Variants in STARD9 observed in about 807,000 individuals in gnomAD.
The protein encoded by STARD9 is stAR-related lipid transfer protein 9.
In STARD9, 346 loss-of-function variants were observed where a neutral mutation model predicts 399.8. The observed-to-expected ratio is 0.87, with a 90% confidence interval of 0.79 to 0.95. The LOEUF (loss-of-function observed/expected upper bound fraction) is 0.95, where lower values mean the gene tolerates loss of function less well. Ranked by LOEUF, STARD9 falls within the 40% of genes least tolerant of loss-of-function variation. The pLI is 0.00. For missense variants in STARD9, 5,832 were observed against 5,667.5 expected (o/e 1.03, Z -0.93); for synonymous variants, 2,203 against 2,143.5 (o/e 1.03, Z -0.77).
At chr15:42,714,539 A>G (rs945026867) in intron 26 of STARD9, among the ~76,000 whole-genome samples, 1 of 152,110 alleles carries the variant, frequency 6.6e-6, no homozygotes, top group African/African-American at 2.4e-5. Flanking sequence ...GCCATTTTCC[A>G]TAGCTTGTGA....
Position 42,682,135 on chromosome 15 carries a change from G to T in STARD9, c.2097G>T (p.Trp699Cys), listed in dbSNP as rs923727471. ...AGTGTCTGCTCAGAGAAGAGACCTG[G>T]CTGGCCAGCTTGCAACAGCAGCAGC... The part of the protein sequence containing the change: ...NQQCLLREET[W>C]LASLQQQQQE... Residue 699 changes from tryptophan (W) to cysteine (C), a missense_variant, in exon 22 of 33, where the codon TGG becomes TGT. Physicochemically the swap from Trp to Cys is radical, Grantham distance 215. Around this residue, in one of 2 missense-constraint regions of STARD9, gnomAD observed 5,828 missense variants for 5,651.1 expected, o/e 1.03. Coordinates refer to ENST00000290607, the MANE Select transcript of STARD9 (RefSeq NM_020759.3). The T allele has an allele frequency of 6.5e-7, 1 of 1,537,106 alleles. No individual in the cohort carries two copies. The highest frequency in any genetic ancestry group is 1.4e-5 in the African/African-American group (1 of 73,048).
At chr15:42,709,676 C>T (rs1452797703) in intron 26 of STARD9, among the ~76,000 whole-genome samples, 1 of 152,172 alleles carries the variant, frequency 6.6e-6, no homozygotes, top group African/African-American at 2.4e-5. Flanking sequence ...CAGAGCAAGA[C>T]TCCATGCCCC....
At position 42,693,392 on chromosome 15, in the gene STARD9, A is replaced by G. The variant is rs1295242443; in HGVS notation, c.11814A>G (p.Pro3938=). 5.2e-6 allele frequency: 8 copies of G among 1,537,196 alleles called. No homozygotes were observed. Among genetic ancestry groups the G allele is most frequent in the African/African-American group, 1.4e-5 (1 of 73,164 alleles). Residue 3938 remains proline (P), a synonymous_variant, in exon 23 of 33, where the codon CCA becomes CCG. Transcript: ENST00000290607. ...GCCACCAGAAGCTTGACTCCAGCCC[A>G]GACCCTGTTGATGCCCCAAGGACTC... ...VEGHQKLDSS[P]DPVDAPRTPM... is the part of the protein sequence containing the mutation.
chr15:42,576,978 G>C (rs2058068864), intron 1 of STARD9, among the ~76,000 whole-genome samples: 1 of 152,148 alleles, frequency 6.6e-6, no homozygotes, highest in Non-Finnish European at 1.5e-5. Flanking sequence ...CTTCATAACT[G>C]GATGTGGTAG....
At chr15:42,581,668 T>TCAGCAGCAG (rs35915660) in intron 1 of STARD9, among the ~76,000 whole-genome samples, 61 of 151,860 alleles carry the variant, frequency 4.0e-4, no homozygotes, top group Non-Finnish European at 6.0e-4. Flanking sequence ...GCCAGCAGCC[T>TCAGCAGCAG]CAGCAGCAGC....
intron 7 of STARD9, among the ~76,000 whole-genome samples, chr15:42,643,032 T>G (rs958017811): frequency 4.6e-5 from 7 of 151,970 alleles, no homozygotes; most frequent in Admixed American, 3.3e-4. Context: ...GAACCAGTTT[T>G]TTTTTTTTTT....
chr15:42,718,999 C>A, intron 32 of STARD9, 89 bp downstream of exon 32: 2 of 1,246,604 alleles, frequency 1.6e-6, no homozygotes, highest in Non-Finnish European at 2.2e-6. Flanking sequence ...TTTGAACACC[C>A]TCCAGTGCCC....
chr15:42,694,386 G>C, intron 23 of STARD9, 44 bp downstream of exon 23: 1 of 1,535,780 alleles, frequency 6.5e-7, no homozygotes, highest in Non-Finnish European at 8.7e-7. Context: ...GGGGTGGGCT[G>C]TGAGGAAAGA....
rs2060620771 is a variant in STARD9, at chr15:42,688,763, T to C, written c.7185T>C (p.Asn2395=). 3 of 1,537,390 alleles carry C rather than the reference T, an allele frequency of 2.0e-6. No homozygotes were observed. Among genetic ancestry groups the C allele is most frequent in the Non-Finnish European group, 2.6e-6 (3 of 1,146,984 alleles). The change falls in exon 23 of 33, where the codon AAT becomes AAC. Residue 2395 remains asparagine, a synonymous_variant. Coordinates refer to ENST00000290607, the MANE Select transcript of STARD9 (RefSeq NM_020759.3). ...TETRSHSPEG[N]VRGRSSEAHT... is the part of the protein sequence containing the mutation. ...CCAGAAGCCACAGCCCCGAAGGAAA[T>C]GTTAGAGGGCGTTCCTCTGAGGCAC...
In STARD9 at chr15:42,684,927, G is replaced by A; in HGVS notation, c.3349G>A (p.Ala1117Thr). Residue 1117 changes from alanine to threonine, a missense_variant, in exon 23 of 33, where the codon GCC (alanine) becomes ACC (threonine). By Grantham distance (58) the Ala-to-Thr change is moderately conservative. Coordinates refer to ENST00000290607, the MANE Select transcript of STARD9 (RefSeq NM_020759.3). ...ATTGGATTCTCTCTCATGTGTCTAT[G>A]CCAAAGCCCTGATAGAGCCACTGAA... is the stretch of plus-strand genomic sequence containing the variant. ...YSLDSLSCVY[A>T]KALIEPLKPE... The A allele has an allele frequency of 1.3e-6, 2 of 1,537,026 alleles. No homozygotes were observed. The highest frequency in any genetic ancestry group is 2.7e-5 in the African/African-American group (2 of 73,148).
At position 42,665,070 on chromosome 15, in the gene STARD9, C is replaced by T. The variant is rs148499468; in HGVS notation, c.1177-183C>T. Among the ~76,000 whole-genome samples the T allele has an allele frequency of 2.6e-5, 4 of 152,200 alleles. No homozygotes were observed. In the East Asian group the frequency reaches 5.8e-4, roughly 22 times the overall value. On this transcript the variant is annotated intron_variant, in intron 13 of 32. Transcript: ENST00000290607. ...TTGGTCTGGGGTGGGCCAAACTGTG[C>T]GTTTCTAACAAGTTCTTAGGTGAAG...
At chr15:42,626,336 T>C (rs955968176) in intron 3 of STARD9, among the ~76,000 whole-genome samples, 2 of 148,450 alleles carry the variant, frequency 1.3e-5, no homozygotes, top group African/African-American at 2.5e-5. Flanking sequence ...CCTCTTCCTC[T>C]TCTTCCTCTT....
At chr15:42,596,277 G>A (rs948206916) in intron 3 of STARD9, among the ~76,000 whole-genome samples, 12 of 152,126 alleles carry the variant, frequency 7.9e-5, no homozygotes, top group African/African-American at 2.9e-4. Flanking sequence ...AGTTGTCCTT[G>A]ATGTTACCCC....
intron 26 of STARD9, among the ~76,000 whole-genome samples, chr15:42,698,948 C>T (rs776199959): frequency 6.6e-6 from 1 of 151,940 alleles, no homozygotes; most frequent in African/African-American, 2.4e-5. Context: ...TTCTACCCTG[C>T]GGTAGTGTTA....
Position 42,575,745 on chromosome 15 carries a change from C to T in STARD9, c.30C>T (p.Val10=), listed in dbSNP as rs1266040862. MANVQVAVR[V]RPLSKRETKE... is the part of the protein sequence containing the mutation. ...CGAACGTGCAGGTCGCCGTGCGGGT[C>T]CGGCCGCTCAGCAAGAGGTGAGTCT... Residue 10 remains valine (V), a synonymous_variant, in exon 1 of 33, where the codon GTC becomes GTT. Coordinates refer to ENST00000290607, the MANE Select transcript of STARD9 (RefSeq NM_020759.3). 9 of 1,536,792 alleles carry T rather than the reference C, an allele frequency of 5.9e-6. No individual in the cohort carries two copies. The South Asian group carries it at 1.1e-4, about 18-fold the overall frequency.
rs1380910261 is a variant in STARD9 at position 42,692,708 on chromosome 15, C to T, written c.11130C>T (p.Thr3710=). 6.5e-7 allele frequency: 1 copy of T among 1,536,998 alleles called. No individual in the cohort carries two copies. Among genetic ancestry groups the T allele is most frequent in the Non-Finnish European group, 8.7e-7 (1 of 1,146,890 alleles). The change falls in exon 23 of 33, where the codon ACC becomes ACT. Residue 3710 remains threonine, a synonymous_variant. Transcript: ENST00000290607. The part of the protein sequence containing the change: ...QPDVARREQN[T]KRDIPDKAPQ... The stretch of plus-strand genomic sequence containing the variant: ...ATGTGGCCAGAAGGGAGCAGAACAC[C>T]AAGAGGGACATCCCAGATAAAGCCC...
In STARD9 at chr15:42,681,980, A is replaced by G; in HGVS notation, c.2066-124A>G. 4.4e-6 allele frequency: 3 copies of G among 679,030 alleles called. No individual in the cohort carries two copies. In the Admixed American group the frequency reaches 8.7e-5, roughly 20 times the overall value. The allele number at this position is 679,030 out of a possible 1,614,324, so 42.1% of individuals were successfully genotyped here. A position where few individuals can be genotyped will look rare whatever the true frequency, so the allele number is the denominator to read the frequency against. On this transcript the variant is annotated intron_variant, in intron 21 of 32. Coordinates refer to ENST00000290607, the MANE Select transcript of STARD9 (RefSeq NM_020759.3). Reference sequence around the variant, plus strand: ...GTAGCCCTGCAGCCCTCACCCTGCCACATCACCTTGGCCAGCTCTTTCACT... The same window carrying G: ...GTAGCCCTGCAGCCCTCACCCTGCCGCATCACCTTGGCCAGCTCTTTCACT...
At chr15:42,597,795 C>A (rs562155596) in intron 3 of STARD9, among the ~76,000 whole-genome samples, 15 of 152,200 alleles carry the variant, frequency 9.9e-5, no homozygotes, top group African/African-American at 3.6e-4. Flanking sequence ...ACTTAGCCTC[C>A]CAAAATGCTG....
rs1006247485 is a variant in STARD9 at position 42,681,519 on chromosome 15, G to A, written c.1972G>A (p.Glu658Lys). Residue 658 changes from glutamate to lysine, a missense_variant, in exon 21 of 33, where the codon GAG becomes AAG. By Grantham distance (56) the Glu-to-Lys change is moderately conservative (BLOSUM62 1). Transcript: ENST00000290607. ...GATTCAGCAGCAGCAGAGCTACGTAGAGGATTTGAGGCATCAAATCCTAGC... is the reference window on the plus strand; with the variant it reads ...GATTCAGCAGCAGCAGAGCTACGTAAAGGATTTGAGGCATCAAATCCTAGC... ...AQIQQQQSYVEDLRHQILAEE... is the reference protein window; with the variant it reads ...AQIQQQQSYVKDLRHQILAEE... The A allele has an allele frequency of 6.5e-7, 1 of 1,537,186 alleles. No homozygotes were observed. The highest frequency in any genetic ancestry group is 1.4e-5 in the African/African-American group (1 of 73,160).
Sources: gnomAD v4.1 joint callset for allele counts (sites outside exome capture counted in the v4.1 genomes callset) on GRCh38, gnomAD v4.1.1 for gene constraint, gnomAD v4.1.1 regional missense constraint, MANE v1.5 for transcripts, NCBI Gene and HGNC (gene_info 2026-07-23, HGNC 2026-07-21) for gene names.